Variants in RAB22A observed in about 807,000 individuals in gnomAD.
The protein encoded by RAB22A is ras-related protein Rab-22A.
Under a neutral mutation model 30.2 loss-of-function variants are expected in RAB22A, and 13 were observed. That is an observed-to-expected ratio of 0.43 (90% CI 0.28 to 0.68). The LOEUF (loss-of-function observed/expected upper bound fraction) is 0.68. Among genes scored for constraint, RAB22A ranks in the 30% least tolerant of loss-of-function variants. The pLI, the probability that RAB22A is intolerant of heterozygous loss-of-function variation, is 0.18. For synonymous variants in RAB22A, 89 were observed against 87.2 expected, an observed-to-expected ratio of 1.02 and a Z score of -0.11; for missense variants, 177 against 246.8, an observed-to-expected ratio of 0.72 and a Z score of 1.89.
In RAB22A at chr20:58,343,731, A is replaced by G; in HGVS notation, c.130A>G (p.Thr44Ala). The change falls in exon 3 of 7, where the codon ACC (threonine) becomes GCC (alanine). Residue 44 changes from threonine (T) to alanine (A), a missense_variant. Thr to Ala is a moderately conservative substitution (Grantham distance 58). Transcript: ENST00000244040. Reference protein sequence around the residue: ...INPTIGASFMTKTVQYQNELH... With the variant: ...INPTIGASFMAKTVQYQNELH... ...CTCTCTTTATAGGGCATCTTTTATG[A>G]CCAAGACTGTCCAGTACCAAAATGA... 1 of 1,609,868 alleles carries G rather than the reference A, an allele frequency of 6.2e-7. No homozygotes were observed. The highest frequency in any genetic ancestry group is 8.5e-7 in the Non-Finnish European group (1 of 1,176,160).
intron 2 of RAB22A, among the ~76,000 whole-genome samples, chr20:58,322,673 T>C (rs1048153186): frequency 2.0e-5 from 3 of 152,260 alleles, no homozygotes; most frequent in Non-Finnish European, 4.4e-5. Flanking sequence ...GTTCAAATAA[T>C]AACAGTTTCA....
At chr20:58,318,902 G>A (rs765195387) in intron 2 of RAB22A, among the ~76,000 whole-genome samples, 1 of 152,112 alleles carries the variant, frequency 6.6e-6, no homozygotes, top group Non-Finnish European at 1.5e-5. Context: ...TGCACATTTG[G>A]GAATCCTCCT....
intron 3 of RAB22A, among the ~76,000 whole-genome samples, chr20:58,352,102 A>T (rs1421106947): frequency 1.3e-5 from 2 of 152,252 alleles, no homozygotes; most frequent in East Asian, 3.9e-4. Context: ...CTTTGTGTTG[A>T]TAGAACTGTT....
At chr20:58,329,619 G>A (rs1293873509) in intron 2 of RAB22A, among the ~76,000 whole-genome samples, 1 of 152,146 alleles carries the variant, frequency 6.6e-6, no homozygotes, top group Admixed American at 6.5e-5. Flanking sequence ...TCTTAGATCT[G>A]AAATTTGATT....
chr20:58,350,863 A>G (rs958850196), intron 3 of RAB22A, among the ~76,000 whole-genome samples: 1 of 152,340 alleles, frequency 6.6e-6, no homozygotes. Flanking sequence ...TTCTTCTTCA[A>G]TTATTCAAAA....
chr20:58,310,765 G>A (rs1986208769), intron 1 of RAB22A, among the ~76,000 whole-genome samples: 1 of 152,192 alleles, frequency 6.6e-6, no homozygotes, highest in Non-Finnish European at 1.5e-5. Context: ...ATGTTAAAAA[G>A]CAAGTGGACT....
At position 58,325,369 on chromosome 20, in the gene RAB22A, G is replaced by A. The variant is rs768847045; in HGVS notation, c.116+14247G>A. Among the ~76,000 whole-genome samples, 41 of 151,490 alleles carry A rather than the reference G, an allele frequency of 2.7e-4. 1 individual carries two copies. Among genetic ancestry groups the A allele is most frequent in the South Asian group, 8.4e-4 (4 of 4,772 alleles). Reference sequence around the variant, plus strand: ...GTACATGCCTGTAATCCCAGCTACTGGGGAGGCTGAGGCAGGAGAATCACT... The same window carrying A: ...GTACATGCCTGTAATCCCAGCTACTAGGGAGGCTGAGGCAGGAGAATCACT... On this transcript the variant is annotated intron_variant, in intron 2 of 6. Transcript: ENST00000244040.
chr20:58,339,934 CG>C (rs1329421192), intron 2 of RAB22A, among the ~76,000 whole-genome samples: 1 of 152,154 alleles, frequency 6.6e-6, no homozygotes, highest in Non-Finnish European at 1.5e-5. Flanking sequence ...GCTCGGGAGG[CG>C]CCACAGGCAA....
At chr20:58,350,677 A>T (rs1987033402) in intron 3 of RAB22A, among the ~76,000 whole-genome samples, 1 of 152,240 alleles carries the variant, frequency 6.6e-6, no homozygotes, top group Non-Finnish European at 1.5e-5. Context: ...GTTTGCCAAA[A>T]TTAGTTTTCA....
chr20:58,348,292 C>T (rs147806862), intron 3 of RAB22A, among the ~76,000 whole-genome samples: 1 of 152,246 alleles, frequency 6.6e-6, no homozygotes, highest in East Asian at 1.9e-4. Context: ...AATGTACATT[C>T]CTGCATCTTA....
chr20:58,312,346 T>A (rs1348171348), intron 2 of RAB22A, among the ~76,000 whole-genome samples: 1 of 147,658 alleles, frequency 6.8e-6, no homozygotes, highest in Admixed American at 6.8e-5. Context: ...GCAGCCTCAA[T>A]CTCCTGGGCT....
intron 2 of RAB22A, among the ~76,000 whole-genome samples, chr20:58,338,603 A>G (rs984792582): frequency 2.6e-5 from 4 of 152,180 alleles, no homozygotes; most frequent in Admixed American, 1.3e-4. Flanking sequence ...ACTTCACTGA[A>G]TTTATGGATA....
At chr20:58,336,041 G>A (rs1164061759) in intron 2 of RAB22A, among the ~76,000 whole-genome samples, 2 of 151,938 alleles carry the variant, frequency 1.3e-5, no homozygotes, top group Non-Finnish European at 2.9e-5. Flanking sequence ...ACAGTCTCTC[G>A]CTCTGTCGCC....
rs138720449 is a variant in RAB22A at position 58,318,070 on chromosome 20, A to G, written c.116+6948A>G. On this transcript the variant is annotated intron_variant, in intron 2 of 6. Coordinates refer to ENST00000244040, the MANE Select transcript of RAB22A (RefSeq NM_020673.3). The stretch of plus-strand genomic sequence containing the variant: ...TCTTGTAGAGATGAGGTCTCACTGC[A>G]TTGCCCAGGCTGGTCTCGAACTCTT... 2.3e-3 allele frequency among the ~76,000 whole-genome samples: 341 copies of G among 149,558 alleles called. 1 individual carries two copies. Among genetic ancestry groups the G allele is most frequent in the African/African-American group, 7.9e-3 (320 of 40,464 alleles).
chr20:58,349,930 A>G (rs1039687436), intron 3 of RAB22A, among the ~76,000 whole-genome samples: 3 of 152,256 alleles, frequency 2.0e-5, no homozygotes, highest in Non-Finnish European at 1.5e-5. Flanking sequence ...TTGCAGACAC[A>G]GAATTTAAAG....
At chr20:58,316,528 T>TA (rs1986343205) in intron 2 of RAB22A, among the ~76,000 whole-genome samples, 1 of 152,172 alleles carries the variant, frequency 6.6e-6, no homozygotes, top group East Asian at 1.9e-4. Context: ...ACACTACACA[T>TA]ACGCTGTAAG....
At chr20:58,343,156 A>G (rs1024605991) in intron 2 of RAB22A, among the ~76,000 whole-genome samples, 79 of 152,258 alleles carry the variant, frequency 5.2e-4, no homozygotes, top group African/African-American at 1.8e-3. Flanking sequence ...GGTGGTCGTC[A>G]GGGGCACTGA....
rs546252814 is a variant in RAB22A, at chr20:58,309,752, C to T, written c.-225C>T. The T allele has an allele frequency of 6.9e-4, 189 of 273,350 alleles. 1 individual carries two copies. The highest frequency in any genetic ancestry group is 4.1e-3 in the African/African-American group (182 of 44,316). 16.9% of individuals were successfully genotyped at this position (273,350 alleles called of 1,614,324 possible). A position where few individuals can be genotyped will look rare whatever the true frequency, so the allele number is the denominator to read the frequency against. On this transcript the variant is annotated 5_prime_UTR_variant, in exon 1 of 7. Coordinates refer to ENST00000244040, the MANE Select transcript of RAB22A (RefSeq NM_020673.3). Reference sequence around the variant, plus strand: ...CGGCGTCCCAAGATGGCGGCGGCGGCGGCTCCCGGAAGGCCGCGGCGGCGT... The same window carrying T: ...CGGCGTCCCAAGATGGCGGCGGCGGTGGCTCCCGGAAGGCCGCGGCGGCGT...
chr20:58,333,301 A>ATAAATAAATAAT (rs1986693006), intron 2 of RAB22A, among the ~76,000 whole-genome samples: 1 of 151,842 alleles, frequency 6.6e-6, no homozygotes, highest in African/African-American at 2.4e-5. Context: ...AAATAAATAA[A>ATAAATAAATAAT]TAAATAAATC....
Sources: gnomAD v4.1 joint callset for allele counts (sites outside exome capture counted in the v4.1 genomes callset) on GRCh38, gnomAD v4.1.1 for gene constraint, MANE v1.5 for transcripts, NCBI Gene and HGNC (gene_info 2026-07-23, HGNC 2026-07-21) for gene names.